RBP4: variants seen among roughly 807,000 people sequenced by gnomAD.
RBP4 encodes retinol binding protein 4.
Under a neutral mutation model 26.2 loss-of-function variants are expected in RBP4, and 9 were observed. That is an observed-to-expected ratio of 0.34 (90% confidence interval 0.21 to 0.60). The LOEUF (loss-of-function observed/expected upper bound fraction) is 0.60. RBP4 is among the 20% of genes least tolerant of loss of function. The pLI is 0.80. For missense variants in RBP4, 244 were observed against 271.3 expected (o/e 0.90, Z 0.71); for synonymous variants, 114 against 111.0 (o/e 1.03, Z -0.17).
intron 1 of RBP4, 56 bp downstream of exon 1, chr10:93,601,115 C>G (rs2058335826): frequency 6.5e-7 from 1 of 1,529,202 alleles, no homozygotes; most frequent in Admixed American, 2.0e-5. Context: ...CTCACCCCAC[C>G]CCACCCCACC....
In RBP4 at chr10:93,600,750, C is replaced by A. The variant is rs1205080149; in HGVS notation, c.165G>T (p.Leu55=). The A allele has an allele frequency of 1.2e-6, 2 of 1,611,538 alleles. No individual in the cohort carries two copies. Among genetic ancestry groups the A allele is most frequent in the Non-Finnish European group, 1.7e-6 (2 of 1,178,974 alleles). The stretch of plus-strand genomic sequence containing the variant: ...AGAACTCCGCGACGATGTTGTCCTG[C>A]AGAAAGAGGCCCTCGGGGTCCTTCT... ...MAKKDPEGLF[L]QDNIVAEFSV... Residue 55 remains leucine, a synonymous_variant, in exon 3 of 6, where the codon CTG becomes CTT. Transcript: ENST00000371464.
chr10:93,601,012 G>A lies in RBP4; in HGVS notation c.17C>T (p.Ala6Val), dbSNP rs774496890. Residue 6 changes from alanine (A) to valine (V), a missense_variant, in exon 2 of 6, where the codon GCG (alanine) becomes GTG (valine). By Grantham distance (64) the Ala-to-Val change is moderately conservative. Coordinates refer to ENST00000371464, the MANE Select transcript of RBP4 (RefSeq NM_006744.4). ...GCCCAGCGCCGCCAACAGCAAGAGCGCCCACACCCACTTCATCTTGCCCAG... is the reference window on the plus strand; with the variant it reads ...GCCCAGCGCCGCCAACAGCAAGAGCACCCACACCCACTTCATCTTGCCCAG... MKWVWALLLLAALGSG... is the reference protein window; with the variant it reads MKWVWVLLLLAALGSG... 153 of 1,611,444 alleles carry A rather than the reference G, an allele frequency of 9.5e-5. No individual in the cohort carries two copies. The highest frequency in any genetic ancestry group is 1.3e-4 in the Non-Finnish European group (151 of 1,179,686).
chr10:93,600,175 C>T (rs2058327333), intron 4 of RBP4, among the ~76,000 whole-genome samples: 1 of 152,164 alleles, frequency 6.6e-6, no homozygotes, highest in Admixed American at 6.5e-5. Flanking sequence ...TCCTTTTGAG[C>T]TTAGGCCAGG....
intron 4 of RBP4, among the ~76,000 whole-genome samples, chr10:93,598,194 G>A (rs896675093): frequency 1.3e-5 from 2 of 152,190 alleles, no homozygotes; most frequent in Non-Finnish European, 2.9e-5. Context: ...AGAATCTAAA[G>A]CTATGATTTC....
chr10:93,597,362 CAAT>C (rs1441735998), intron 4 of RBP4, among the ~76,000 whole-genome samples: 3 of 152,202 alleles, frequency 2.0e-5, no homozygotes, highest in East Asian at 1.9e-4. Context: ...GAGCACAAAA[CAAT>C]GATGATATAA....
rs374987431 is a variant in RBP4 at position 93,593,833 on chromosome 10, G to A, written c.558C>T (p.Ile186=). The A allele has an allele frequency of 6.8e-5, 110 of 1,611,590 alleles. No individual in the cohort carries two copies. The highest frequency in any genetic ancestry group is 9.2e-5 in the Non-Finnish European group (108 of 1,179,864). The change falls in exon 5 of 6, where the codon ATC becomes ATT. Residue 186 remains isoleucine (I), a synonymous_variant. Transcript: ENST00000371464. ...CTGCTCCTGACTCACCGTTGTGGAC[G>A]ATCAGCCTGTACTGCCTGGCCAGGC... ...ELCLARQYRL[I]VHNGYCDGRS... is the part of the protein sequence containing the mutation.
At chr10:93,601,303 C>CG (rs2058338077), upstream of RBP4, 6 of 1,215,206 alleles carry the variant, frequency 4.9e-6, no homozygotes, top group South Asian at 1.9e-4. Flanking sequence ...CGTAACCGCG[C>CG]GGGGTGAAAG....
intron 4 of RBP4, 131 bp downstream of exon 4, chr10:93,600,262 G>C: frequency 1.2e-6 from 1 of 816,584 alleles, no homozygotes; most frequent in South Asian, 1.4e-5. Flanking sequence ...TGGTGCTGCG[G>C]GTTCCTGACA....
intron 4 of RBP4, among the ~76,000 whole-genome samples, chr10:93,599,733 A>G (rs2058324038): frequency 1.3e-5 from 2 of 152,218 alleles, no homozygotes; most frequent in African/African-American, 4.8e-5. Flanking sequence ...AACTTAGGAT[A>G]AATGGGGAAA....
chr10:93,601,137 C>G, intron 1 of RBP4, 34 bp downstream of exon 1: 1 of 1,496,484 alleles, frequency 6.7e-7, no homozygotes. Context: ...CGGCCCATCC[C>G]GCCGCCGGCC....
chr10:93,600,364 A>G (rs1471306105), intron 4 of RBP4, 29 bp downstream of exon 4: 1 of 1,597,496 alleles, frequency 6.3e-7, no homozygotes, highest in South Asian at 1.1e-5. Flanking sequence ...CCCCATTCCC[A>G]AGACAGTCCC....
intron 4 of RBP4, among the ~76,000 whole-genome samples, chr10:93,596,197 T>C (rs549179101): frequency 8.1e-5 from 12 of 147,756 alleles, no homozygotes; most frequent in African/African-American, 2.9e-4. Flanking sequence ...GATCGGCAGC[T>C]TAACTTTTTT....
chr10:93,601,598 A>G, upstream of RBP4: 2 of 733,494 alleles, frequency 2.7e-6, no homozygotes, highest in Non-Finnish European at 5.0e-6. Flanking sequence ...GGCCTCACAG[A>G]GCGAGAGCGG....
chr10:93,601,075 C>T (rs756531955), intron 1 of RBP4, 29 bp from the exon 2 acceptor site: 6 of 1,595,874 alleles, frequency 3.8e-6, no homozygotes, highest in South Asian at 3.3e-5. Flanking sequence ...CGTCAGTGCC[C>T]GGCAGCCGAC....
chr10:93,599,818 C>G (rs1380387070), intron 4 of RBP4, among the ~76,000 whole-genome samples: 1 of 152,154 alleles, frequency 6.6e-6, no homozygotes, highest in Non-Finnish European at 1.5e-5. Flanking sequence ...TCTACAAGTC[C>G]TCAACATCAC....
Position 93,594,035 on chromosome 10 carries a change from T to G in RBP4, c.356A>C (p.Asn119Thr). ...WGVASFLQKG[N>T]DDHWIVDTDY... The stretch of plus-strand genomic sequence containing the variant: ...TGTGTCGACGATCCAGTGGTCATCA[T>G]CTGCAAGCCAGAAAGCCACCATGCC... Residue 119 changes from asparagine (N) to threonine (T), a missense_variant and splice_region_variant, in exon 5 of 6, where the codon AAT (asparagine) becomes ACT (threonine). Transcript: ENST00000371464. The G allele has an allele frequency of 6.2e-7, 1 of 1,613,322 alleles. No individual in the cohort carries two copies. The highest frequency in any genetic ancestry group is 1.1e-5 in the South Asian group (1 of 91,076).
chr10:93,594,604 G>A (rs900168897), intron 4 of RBP4, among the ~76,000 whole-genome samples: 2 of 152,190 alleles, frequency 1.3e-5, no homozygotes, highest in Admixed American at 6.5e-5. Flanking sequence ...GCTTATTAAT[G>A]CTACTCACTT....
At chr10:93,601,401 C>T, upstream of RBP4, 2 of 1,265,508 alleles carry the variant, frequency 1.6e-6, no homozygotes, top group South Asian at 2.9e-5. Context: ...GGGCCGGCCT[C>T]ACCTCCAGGA....
chr10:93,593,781 G>T, intron 5 of RBP4, 42 bp downstream of exon 5: 1 of 1,597,984 alleles, frequency 6.3e-7, no homozygotes, highest in Non-Finnish European at 8.5e-7. Flanking sequence ...CAAACCCACT[G>T]CCCTGCAGGA....
Sources: allele counts gnomAD v4.1 joint callset (sites outside exome capture counted in the v4.1 genomes callset), GRCh38; gene constraint gnomAD v4.1.1; transcripts MANE v1.5; gene names NCBI Gene and HGNC (gene_info 2026-07-23, HGNC 2026-07-21).